Variants in ZSCAN25 observed in about 807,000 individuals in gnomAD.
The protein encoded by ZSCAN25 is zinc finger and SCAN domain-containing protein 25.
ZSCAN25 carries 27 observed loss-of-function variants against 38.7 expected under a neutral mutation model. That is an observed-to-expected ratio of 0.70 (90% CI 0.51 to 0.96). The LOEUF is 0.96. Ranked by LOEUF, ZSCAN25 falls within the 40% of genes least tolerant of loss-of-function variation. The probability of loss-of-function intolerance (pLI) is 0.00; values close to 1 mark genes in which losing one functional copy is unlikely to be tolerated. For missense variants in ZSCAN25, 637 were observed against 705.9 expected (o/e 0.90, Z 1.11); for synonymous variants, 273 against 277.7 (o/e 0.98, Z 0.17).
At chr7:99,690,880 T>C in the ZSCAN25 span, among the ~76,000 whole-genome samples, 1 of 152,204 alleles carries the variant, frequency 6.6e-6, no homozygotes, top group Non-Finnish European at 1.5e-5. Context: ...TGGAAGTCAG[T>C]GTGGCGATTC....
chr7:99,735,161 C>T, the ZSCAN25 span: 2 of 1,600,964 alleles, frequency 1.2e-6, no homozygotes, highest in Non-Finnish European at 1.7e-6. Context: ...GTTTGCTGGG[C>T]TGTGTGTGTG....
the ZSCAN25 span, among the ~76,000 whole-genome samples, chr7:99,737,769 T>C: frequency 6.6e-6 from 1 of 152,250 alleles, no homozygotes; most frequent in Non-Finnish European, 1.5e-5. Flanking sequence ...CCAACAGTGA[T>C]AGACTAATCG....
the ZSCAN25 span, among the ~76,000 whole-genome samples, chr7:99,639,833 A>G: frequency 6.6e-6 from 1 of 152,140 alleles, no homozygotes; most frequent in African/African-American, 2.4e-5. Context: ...TGGGAGGCTG[A>G]GGTGGGAGGA....
At chr7:99,719,992 G>T in the ZSCAN25 span, among the ~76,000 whole-genome samples, 1 of 147,148 alleles carries the variant, frequency 6.8e-6, no homozygotes. Context: ...GTGTGACTCA[G>T]TCCGAAAAAC....
chr7:99,679,772 G>A, the ZSCAN25 span: 28 of 1,556,238 alleles, frequency 1.8e-5, no homozygotes, highest in South Asian at 5.6e-5. Flanking sequence ...AAAGGGGCCC[G>A]ATTAGCACCC....
chr7:99,723,291 T>C, the ZSCAN25 span, among the ~76,000 whole-genome samples: 2 of 152,310 alleles, frequency 1.3e-5, no homozygotes, highest in East Asian at 3.9e-4. Flanking sequence ...GTTACTGCCC[T>C]GCCCCAACTG....
the ZSCAN25 span, chr7:99,731,168 A>G: frequency 3.7e-6 from 6 of 1,613,664 alleles, no homozygotes; most frequent in South Asian, 6.6e-5. Context: ...AAGTGAAACA[A>G]AAATCAGGTC....
At chr7:99,672,738 A>G in the ZSCAN25 span, 20 of 1,609,448 alleles carry the variant, frequency 1.2e-5, no homozygotes, top group South Asian at 2.1e-4. Context: ...AGCTGGAGCC[A>G]CACCCAGGAA....
the ZSCAN25 span, among the ~76,000 whole-genome samples, chr7:99,646,679 G>A: frequency 2.0e-5 from 3 of 152,032 alleles, no homozygotes; most frequent in African/African-American, 4.8e-5. Flanking sequence ...ACGAGCTCTG[G>A]TTCCCTTCAG....
the ZSCAN25 span, among the ~76,000 whole-genome samples, chr7:99,638,070 AAG>A: frequency 3.3e-5 from 5 of 152,202 alleles, no homozygotes; most frequent in Admixed American, 3.3e-4. Context: ...AAAAAGGAAA[AAG>A]AACGGGAAAC....
At chr7:99,672,676 C>T in the ZSCAN25 span, 23 of 1,614,010 alleles carry the variant, frequency 1.4e-5, no homozygotes, top group African/African-American at 1.6e-4. Flanking sequence ...GACCTTCATA[C>T]GTTCTGTGTG....
chr7:99,728,444 A>G, the ZSCAN25 span, among the ~76,000 whole-genome samples: 12 of 152,230 alleles, frequency 7.9e-5, no homozygotes, highest in Middle Eastern at 3.4e-3. Flanking sequence ...TGCCCCATCA[A>G]TCCCCATTAT....
In ZSCAN25 at chr7:99,622,465, CT is replaced by C. The variant is rs966288643; in HGVS notation, c.590-83del. 5.5e-6 allele frequency: 7 copies of C among 1,264,996 alleles called. No homozygotes were observed. In the African/African-American group the frequency reaches 1.0e-4, roughly 19 times the overall value. The allele number at this position is 1,264,996 out of a possible 1,614,324, so 78.4% of individuals were successfully genotyped here. A position where few individuals can be genotyped will look rare whatever the true frequency, so the allele number is the denominator to read the frequency against. On this transcript the variant is annotated intron_variant, in intron 5 of 7. Coordinates refer to ENST00000394152, the MANE Select transcript of ZSCAN25 (RefSeq NM_145115.3). The stretch of plus-strand genomic sequence containing the variant: ...TTCTGGTTCCTGAGGTTGTGAGCAT[CT>C]GGTAGGGGACACATTTGAACGAGCT...
intron 5 of ZSCAN25, 97 bp downstream of exon 5, chr7:99,621,671 C>G: frequency 3.9e-6 from 4 of 1,028,216 alleles, no homozygotes; most frequent in Non-Finnish European, 3.8e-6. Flanking sequence ...AACTAAGTTA[C>G]CCACGAGGTG....
the ZSCAN25 span, chr7:99,731,041 A>G: frequency 6.2e-7 from 1 of 1,613,572 alleles, no homozygotes; most frequent in Non-Finnish European, 8.5e-7. Context: ...GCAAAAGAGG[A>G]AGCTCAAAAA....
the ZSCAN25 span, among the ~76,000 whole-genome samples, chr7:99,662,314 A>G: frequency 6.6e-6 from 1 of 152,238 alleles, no homozygotes; most frequent in Non-Finnish European, 1.5e-5. This position sits in a 1 kb window ranked among gnomAD's most constrained non-coding sequence, Gnocchi z 4.3. Context: ...TAGATACAAG[A>G]CTGAAGATTG....
the ZSCAN25 span, among the ~76,000 whole-genome samples, chr7:99,641,396 T>G: frequency 6.6e-6 from 1 of 152,144 alleles, no homozygotes; most frequent in Non-Finnish European, 1.5e-5. Context: ...ATTACCTTCC[T>G]TCGGGTCCCT....
At chr7:99,638,501 G>T in the ZSCAN25 span, 2 of 1,500,344 alleles carry the variant, frequency 1.3e-6, no homozygotes, top group Non-Finnish European at 1.9e-6. Context: ...AGTCGGCACA[G>T]TCCACTACGA....
chr7:99,664,847 A>G, the ZSCAN25 span, among the ~76,000 whole-genome samples: 1 of 152,230 alleles, frequency 6.6e-6, no homozygotes, highest in Non-Finnish European at 1.5e-5. Flanking sequence ...TGAAATAGAG[A>G]ATAAAAAACA....
Sources: gnomAD v4.1 joint callset for allele counts (sites outside exome capture counted in the v4.1 genomes callset) on GRCh38, gnomAD v4.1.1 for gene constraint, Gnocchi (gnomAD v3.1) non-coding constraint, MANE v1.5 for transcripts, NCBI Gene and HGNC (gene_info 2026-07-23, HGNC 2026-07-21) for gene names.